Variants in KALRN observed in about 807,000 individuals in gnomAD.
KALRN encodes kalirin RhoGEF kinase.
KALRN carries 70 observed loss-of-function variants against 353.7 expected under a neutral mutation model. That is an observed-to-expected ratio of 0.20 (90% confidence interval 0.16 to 0.24). The LOEUF (loss-of-function observed/expected upper bound fraction) is 0.24, where lower values mean the gene tolerates loss of function less well. KALRN is among the 10% of genes least tolerant of loss of function. KALRN has a pLI of 1.00. For synonymous variants in KALRN, 1,391 were observed against 1,434.8 expected, an observed-to-expected ratio of 0.97 and a Z score of 0.69; for missense variants, 2,791 against 3,756.7, an observed-to-expected ratio of 0.74 and a Z score of 6.72.
At chr3:124,167,162 C>T (rs894540376) in intron 1 of KALRN, among the ~76,000 whole-genome samples, 2 of 152,174 alleles carry the variant, frequency 1.3e-5, no homozygotes, top group Non-Finnish European at 2.9e-5. Flanking sequence ...CCTTGCAGGG[C>T]TCTGCCTGAG....
chr3:124,694,434 C>T lies in KALRN; in HGVS notation c.7508C>T (p.Thr2503Ile). The change falls in exon 53 of 60, where the codon ACT becomes ATT. Residue 2503 changes from threonine to isoleucine, a missense_variant. Around this residue, in one of 11 missense-constraint regions of KALRN, gnomAD observed 1,065 missense variants for 1,156.4 expected, o/e 0.92. Coordinates refer to ENST00000682506, the MANE Select transcript of KALRN (RefSeq NM_001388419.1). ...TGTGGGCGGCCAAAGCCCACCATCA[C>T]TTGGAAGGGTCCAGACCAGAACATC... is the stretch of plus-strand genomic sequence containing the variant. The part of the protein sequence containing the change: ...KVCGRPKPTI[T>I]WKGPDQNILD... The T allele has an allele frequency of 6.2e-7, 1 of 1,614,196 alleles. No individual in the cohort carries two copies. The highest frequency in any genetic ancestry group is 8.5e-7 in the Non-Finnish European group (1 of 1,180,012).
chr3:124,645,971 CTT>C (rs1442053174), intron 37 of KALRN, among the ~76,000 whole-genome samples: 2 of 152,114 alleles, frequency 1.3e-5, no homozygotes, highest in Non-Finnish European at 2.9e-5. Context: ...TTTGTTATCT[CTT>C]ATTTTTCATT....
chr3:124,633,936 C>A lies in KALRN; in HGVS notation c.5551C>A (p.Pro1851Thr). ...ACCTATGAAGATTTTTGACAACGAC[C>A]CTACACAGGATGAAATGGTAGAACT... Reference protein sequence around the residue: ...PPPMKIFDNDPTQDEMSSSLL... With the variant: ...PPPMKIFDNDTTQDEMSSSLL... The change falls in exon 36 of 60, where the codon CCT becomes ACT. Residue 1851 changes from proline (P) to threonine (T), a missense_variant. Pro to Thr is a conservative substitution (Grantham distance 38, BLOSUM62 -1). Coordinates refer to ENST00000682506, the MANE Select transcript of KALRN (RefSeq NM_001388419.1). 4 of 1,613,752 alleles carry A rather than the reference C, an allele frequency of 2.5e-6. No individual in the cohort carries two copies. Among genetic ancestry groups the A allele is most frequent in the Non-Finnish European group, 3.4e-6 (4 of 1,179,722 alleles).
chr3:124,075,361 C>T (rs575339918), intron 1 of KALRN, among the ~76,000 whole-genome samples: 57 of 152,258 alleles, frequency 3.7e-4, no homozygotes, highest in Admixed American at 2.0e-3. Context: ...ACCCTGACCT[C>T]GCTCCTGTCC....
At chr3:124,056,870 A>C (rs2041596419) in intron 1 of KALRN, among the ~76,000 whole-genome samples, 1 of 152,232 alleles carries the variant, frequency 6.6e-6, no homozygotes, top group African/African-American at 2.4e-5. Flanking sequence ...CAACAATTTT[A>C]GGGTAGCTAT....
Position 124,659,597 on chromosome 3 carries a change from G to A in KALRN, c.6216+140G>A, listed in dbSNP as rs1048182339. 4.9e-6 allele frequency: 3 copies of A among 606,274 alleles called. No individual in the cohort carries two copies. The Admixed American group carries it at 8.6e-5, about 17-fold the overall frequency. 37.6% of individuals were successfully genotyped at this position (606,274 alleles called of 1,614,324 possible). A position where few individuals can be genotyped will look rare whatever the true frequency, so the allele number is the denominator to read the frequency against. On this transcript the variant is annotated intron_variant, in intron 43 of 59. Transcript: ENST00000682506. Reference sequence around the variant, plus strand: ...TGTGAACTGTGGGAGGGGTGGTAGGGACGTGGGAACTTTTATCTGACTGCT... The same window carrying A: ...TGTGAACTGTGGGAGGGGTGGTAGGAACGTGGGAACTTTTATCTGACTGCT...
chr3:124,263,454 G>A (rs1283484953), intron 3 of KALRN, among the ~76,000 whole-genome samples: 1 of 152,328 alleles, frequency 6.6e-6, no homozygotes, highest in South Asian at 2.1e-4. Flanking sequence ...GCGCAAGCCT[G>A]TAGTCACAGC....
chr3:124,392,196 T>A (rs1324910837), intron 11 of KALRN, among the ~76,000 whole-genome samples: 4 of 152,168 alleles, frequency 2.6e-5, no homozygotes, highest in Admixed American at 2.0e-4. Context: ...GCTACAGGCA[T>A]GTGCCAACAT....
At chr3:124,569,897 G>A (rs2073326189) in intron 34 of KALRN, among the ~76,000 whole-genome samples, 1 of 152,158 alleles carries the variant, frequency 6.6e-6, no homozygotes, top group African/African-American at 2.4e-5. Flanking sequence ...AGATTCTGAT[G>A]TCCTCAGCTG....
intron 38 of KALRN, among the ~76,000 whole-genome samples, chr3:124,652,824 G>T (rs1333600562): frequency 1.3e-5 from 2 of 151,538 alleles, no homozygotes; most frequent in Non-Finnish European, 2.9e-5. Context: ...TGATCCGCCA[G>T]CCTCAGCCTC....
intron 33 of KALRN, among the ~76,000 whole-genome samples, chr3:124,555,060 A>G (rs2713655): frequency 0.71 from 108,207 of 151,938 alleles, 40,111 homozygotes; most frequent in African/African-American, 0.91. Context: ...GGGATCTAGG[A>G]GTCCCATCTT....
intron 34 of KALRN, among the ~76,000 whole-genome samples, chr3:124,605,071 G>A (rs1249388959): frequency 1.3e-5 from 2 of 151,960 alleles, no homozygotes; most frequent in Admixed American, 6.6e-5. Context: ...GCTGAGGTGG[G>A]AAGATCACTT....
intron 5 of KALRN, among the ~76,000 whole-genome samples, chr3:124,295,596 TA>T (rs377233123): frequency 1.3e-5 from 2 of 152,188 alleles, no homozygotes; most frequent in African/African-American, 4.8e-5. Context: ...TTTGCATATC[TA>T]AGTGACCATT....
intron 1 of KALRN, among the ~76,000 whole-genome samples, chr3:124,121,503 CTG>C (rs1235407383): frequency 5.9e-5 from 9 of 152,124 alleles, no homozygotes; most frequent in African/African-American, 1.4e-4. Flanking sequence ...GTCTACAGTA[CTG>C]TGTTATTTAT....
At chr3:124,083,105 C>T (rs1244168009) in intron 1 of KALRN, among the ~76,000 whole-genome samples, 2 of 152,198 alleles carry the variant, frequency 1.3e-5, no homozygotes, top group Non-Finnish European at 2.9e-5. Flanking sequence ...TCATGTATTT[C>T]CAGGTATAGT....
chr3:124,521,611 A>G (rs757444633), intron 33 of KALRN, among the ~76,000 whole-genome samples: 6 of 152,324 alleles, frequency 3.9e-5, no homozygotes, highest in Admixed American at 6.5e-5. Flanking sequence ...CCATCAGGAC[A>G]CTATTGCCAT....
intron 51 of KALRN, among the ~76,000 whole-genome samples, chr3:124,681,398 G>A (rs1246040504): frequency 6.6e-5 from 10 of 152,182 alleles, no homozygotes; most frequent in Admixed American, 6.5e-4. Context: ...GAGTGCATGA[G>A]CAAAGACATT....
chr3:124,598,311 C>T (rs1355157064), intron 34 of KALRN, among the ~76,000 whole-genome samples: 4 of 152,180 alleles, frequency 2.6e-5, no homozygotes, highest in Middle Eastern at 3.2e-3. Flanking sequence ...CAAAGAAGGT[C>T]GGAAGACTTT....
At chr3:124,360,592 G>A (rs191868592) in intron 10 of KALRN, among the ~76,000 whole-genome samples, 2 of 152,336 alleles carry the variant, frequency 1.3e-5, no homozygotes, top group East Asian at 1.9e-4. Flanking sequence ...GAGAGCATTG[G>A]CATGGTTTAG....
Sources: gnomAD v4.1 joint callset for allele counts (sites outside exome capture counted in the v4.1 genomes callset) on GRCh38, gnomAD v4.1.1 for gene constraint, gnomAD v4.1.1 regional missense constraint, MANE v1.5 for transcripts, NCBI Gene and HGNC (gene_info 2026-07-23, HGNC 2026-07-21) for gene names.